C12orf75: variants seen among roughly 807,000 people sequenced by gnomAD.
C12orf75 encodes chromosome 12 open reading frame 75, also known as overexpressed in colon carcinoma 1 protein.
Under a neutral mutation model 11.4 loss-of-function variants are expected in C12orf75, and 4 were observed. The ratio of observed to expected loss-of-function variants is 0.35; its 90% confidence interval spans 0.17 to 0.80. C12orf75 has a LOEUF of 0.80. C12orf75 is among the 30% of genes least tolerant of loss of function. The probability of loss-of-function intolerance (pLI) is 0.52; values close to 1 mark genes in which losing one functional copy is unlikely to be tolerated. For synonymous variants in C12orf75, 30 were observed against 30.0 expected (o/e 1.00, Z 0.00); for missense variants, 89 against 80.4 (o/e 1.11, Z -0.41).
intron 4 of C12orf75, among the ~76,000 whole-genome samples, chr12:105,366,989 T>C (rs866375428): frequency 1.3e-4 from 20 of 152,334 alleles, no homozygotes; most frequent in Middle Eastern, 6.8e-3. Flanking sequence ...TTATGTAAGT[T>C]TATGGCATTT....
At chr12:105,369,548 C>T (rs1871571925) in intron 5 of C12orf75, among the ~76,000 whole-genome samples, 1 of 152,064 alleles carries the variant, frequency 6.6e-6, no homozygotes, top group African/African-American at 2.4e-5. Context: ...CCTATCAACC[C>T]ATCATCTAGG....
At chr12:105,343,409 CATTATACAT>C (rs1298877568) in intron 1 of C12orf75, among the ~76,000 whole-genome samples, 2 of 152,176 alleles carry the variant, frequency 1.3e-5, no homozygotes, top group African/African-American at 4.8e-5. Context: ...ATAGATGTAA[CATTATACAT>C]ATTTGCTTAA....
chr12:105,349,253 T>G (rs987261089), intron 2 of C12orf75, among the ~76,000 whole-genome samples: 2 of 152,194 alleles, frequency 1.3e-5, no homozygotes, highest in Non-Finnish European at 2.9e-5. Flanking sequence ...GTTCACTCTT[T>G]AAGAGTATTT....
chr12:105,334,801 TTAA>T lies in C12orf75; in HGVS notation c.46+3866_46+3868del, dbSNP rs759909273. Among the ~76,000 whole-genome samples the T allele has an allele frequency of 2.0e-4, 31 of 152,188 alleles. 1 individual carries two copies. Among genetic ancestry groups the T allele is most frequent in the Non-Finnish European group, 4.1e-4 (28 of 68,036 alleles). On this transcript the variant is annotated intron_variant, in intron 1 of 5. Transcript: ENST00000443585. ...GAAATGACCAACCTTGCATTCTGAG[TTAA>T]TGATGTCAGCAGGTTGGTCATTCCC... is the stretch of plus-strand genomic sequence containing the variant.
chr12:105,353,983 G>A (rs929371207), intron 2 of C12orf75, among the ~76,000 whole-genome samples: 3 of 152,172 alleles, frequency 2.0e-5, no homozygotes, highest in Admixed American at 6.5e-5. Context: ...AAAAAGAAAT[G>A]ATAAATCTTT....
intron 1 of C12orf75, among the ~76,000 whole-genome samples, chr12:105,333,344 G>A (rs758316736): frequency 6.6e-6 from 1 of 152,234 alleles, no homozygotes; most frequent in South Asian, 2.1e-4. Flanking sequence ...GAAAATCTCA[G>A]CTGTGAGCTT....
intron 1 of C12orf75, among the ~76,000 whole-genome samples, chr12:105,347,790 A>C (rs1049799492): frequency 6.6e-6 from 1 of 152,214 alleles, no homozygotes; most frequent in African/African-American, 2.4e-5. Context: ...TGGGAAGCCA[A>C]TGGGAGCAGA....
chr12:105,346,185 C>T (rs993929999), intron 1 of C12orf75, among the ~76,000 whole-genome samples: 1 of 151,978 alleles, frequency 6.6e-6, no homozygotes, highest in South Asian at 2.1e-4. Context: ...TTTGAGTTGT[C>T]CCGGACCAAA....
chr12:105,355,849 G>A (rs1892774408), intron 2 of C12orf75, among the ~76,000 whole-genome samples: 1 of 35,360 alleles, frequency 2.8e-5, no homozygotes, highest in Admixed American at 3.6e-4. Flanking sequence ...GTGCCCCTTA[G>A]TAAGAGAATA....
chr12:105,363,996 T>A (rs1871384294), intron 2 of C12orf75, among the ~76,000 whole-genome samples: 1 of 152,228 alleles, frequency 6.6e-6, no homozygotes, highest in Non-Finnish European at 1.5e-5. Context: ...AAACCTTGAA[T>A]ATATCCTTAA....
rs200950023 is a variant in C12orf75 at position 105,355,168 on chromosome 12, C to CTTTT, written c.71+6544_71+6547dup. Among the ~76,000 whole-genome samples the CTTTT allele has an allele frequency of 4.6e-4, 34 of 74,206 alleles. 2 individuals carry two copies. Among genetic ancestry groups the CTTTT allele is most frequent in the African/African-American group, 1.3e-3 (29 of 21,940 alleles). 48.7% of individuals were successfully genotyped at this position (74,206 alleles called of 152,430 possible). ...GGGTGGTTTTCACGAATTTCTTTTTCTTTTTCTTTTTCTTTTTTTTTTTCA... is the reference window on the plus strand; with the variant it reads ...GGGTGGTTTTCACGAATTTCTTTTTCTTTTTTTTTCTTTTTCTTTTTTTTTTTCA... On this transcript the variant is annotated intron_variant, in intron 2 of 5. Coordinates refer to ENST00000443585, the MANE Select transcript of C12orf75 (RefSeq NM_001145199.2).
chr12:105,332,123 C>T (rs909239307), intron 1 of C12orf75, among the ~76,000 whole-genome samples: 1 of 152,158 alleles, frequency 6.6e-6, no homozygotes, highest in Non-Finnish European at 1.5e-5. Context: ...GCACCTTATG[C>T]TAATGAGGGC....
intron 1 of C12orf75, among the ~76,000 whole-genome samples, chr12:105,339,729 G>A (rs576865933): frequency 7.6e-4 from 116 of 151,710 alleles, no homozygotes; most frequent in Non-Finnish European, 1.3e-3. Flanking sequence ...CCTTTTTCCC[G>A]CCTCAGCCTC....
intron 2 of C12orf75, among the ~76,000 whole-genome samples, chr12:105,362,910 G>A (rs1413825111): frequency 1.3e-5 from 2 of 152,196 alleles, no homozygotes; most frequent in Admixed American, 1.3e-4. Context: ...TAATATAATA[G>A]GATTAGCAAA....
chr12:105,337,477 G>T (rs1313779304), intron 1 of C12orf75, among the ~76,000 whole-genome samples: 1 of 152,138 alleles, frequency 6.6e-6, no homozygotes, highest in Non-Finnish European at 1.5e-5. Context: ...CTGGTAGGCA[G>T]GGGGTTACTG....
chr12:105,361,921 A>G (rs928872568), intron 2 of C12orf75, among the ~76,000 whole-genome samples: 1 of 152,230 alleles, frequency 6.6e-6, no homozygotes, highest in Admixed American at 6.5e-5. Context: ...GTAACTGCTC[A>G]TCAGAACAAC....
intron 2 of C12orf75, among the ~76,000 whole-genome samples, chr12:105,357,954 C>T (rs545331936): frequency 6.6e-6 from 1 of 152,194 alleles, no homozygotes; most frequent in South Asian, 2.1e-4. Flanking sequence ...AGGCAGTCTT[C>T]CCATTTCAGC....
intron 1 of C12orf75, among the ~76,000 whole-genome samples, chr12:105,343,867 C>G (rs1892603907): frequency 6.6e-6 from 1 of 152,170 alleles, no homozygotes; most frequent in Non-Finnish European, 1.5e-5. Context: ...ATCATACACA[C>G]ACACAGACAC....
At chr12:105,353,561 C>T (rs530348022) in intron 2 of C12orf75, 3 of 151,482 alleles carry the variant, frequency 2.0e-5, no homozygotes, top group East Asian at 3.9e-4. Context: ...ATTGGGATGC[C>T]GTTACCAAAA....
Sources: gnomAD v4.1 joint callset for allele counts (sites outside exome capture counted in the v4.1 genomes callset) on GRCh38, gnomAD v4.1.1 for gene constraint, MANE v1.5 for transcripts, NCBI Gene and HGNC (gene_info 2026-07-23, HGNC 2026-07-21) for gene names.